SLC4A4: variants seen among roughly 807,000 people sequenced by gnomAD.
SLC4A4 encodes the protein solute carrier family 4 member 4.
A neutral mutation model predicts 111.5 loss-of-function variants in SLC4A4; 27 were observed. The ratio of observed to expected loss-of-function variants is 0.24; its 90% CI spans 0.18 to 0.33. The LOEUF is 0.33. SLC4A4 is among the 10% of genes least tolerant of loss of function. SLC4A4 has a pLI of 1.00. For missense variants in SLC4A4, 909 were observed against 1,315.5 expected (o/e 0.69, Z 4.78); for synonymous variants, 443 against 463.4 (o/e 0.96, Z 0.57).
At chr4:71,296,553 T>G (rs548640071) in intron 3 of SLC4A4, among the ~76,000 whole-genome samples, 18 of 152,282 alleles carry the variant, frequency 1.2e-4, no homozygotes, top group Admixed American at 4.6e-4. Flanking sequence ...CATTGGTACT[T>G]TTTTTATACA....
chr4:71,234,832 G>A (rs552233292), intron 1 of SLC4A4, among the ~76,000 whole-genome samples: 1 of 152,130 alleles, frequency 6.6e-6, no homozygotes. Flanking sequence ...GTATAGAGAA[G>A]GAAAATGATG....
At chr4:71,217,609 T>C (rs1400591177) in intron 1 of SLC4A4, among the ~76,000 whole-genome samples, 1 of 152,170 alleles carries the variant, frequency 6.6e-6, no homozygotes, top group African/African-American at 2.4e-5. Flanking sequence ...ATGGCATTTA[T>C]GTAGCTTAGA....
chr4:71,492,109 G>A (rs1273060879), intron 15 of SLC4A4, among the ~76,000 whole-genome samples: 1 of 151,264 alleles, frequency 6.6e-6, no homozygotes, highest in Non-Finnish European at 1.5e-5. Context: ...TTCTCTCACC[G>A]AGAAAGTCAA....
At chr4:71,217,983 T>A (rs2149018533) in intron 1 of SLC4A4, among the ~76,000 whole-genome samples, 1 of 149,702 alleles carries the variant, frequency 6.7e-6, no homozygotes, top group South Asian at 2.1e-4. Flanking sequence ...GTAGGGAAAG[T>A]GATCTTTGCT....
intron 14 of SLC4A4, among the ~76,000 whole-genome samples, chr4:71,482,000 T>C (rs543247944): frequency 8.6e-5 from 13 of 151,754 alleles, no homozygotes; most frequent in East Asian, 2.0e-4. Context: ...GTTTTGGCTT[T>C]TCCATTTGAC....
chr4:71,092,573 A>G (rs1345444127), intron 1 of SLC4A4, among the ~76,000 whole-genome samples: 1 of 152,202 alleles, frequency 6.6e-6, no homozygotes, highest in African/African-American at 2.4e-5. Flanking sequence ...AAAACACTGC[A>G]AAAACCTAAA....
chr4:71,397,163 G>C (rs889067700), intron 6 of SLC4A4, among the ~76,000 whole-genome samples: 12 of 152,144 alleles, frequency 7.9e-5, no homozygotes. Context: ...TGGCATCCAG[G>C]GTCAGCTCTG....
At chr4:71,425,386 A>C (rs967899871) in intron 7 of SLC4A4, among the ~76,000 whole-genome samples, 1 of 152,130 alleles carries the variant, frequency 6.6e-6, no homozygotes, top group Non-Finnish European at 1.5e-5. Flanking sequence ...ACTTGAAACC[A>C]AACCTGAACC....
At chr4:71,469,918 T>C (rs1243213245) in intron 13 of SLC4A4, among the ~76,000 whole-genome samples, 1 of 151,992 alleles carries the variant, frequency 6.6e-6, no homozygotes, top group Non-Finnish European at 1.5e-5. Context: ...CTAATGTTGT[T>C]CCTAACCATT....
chr4:71,238,017 G>T lies in SLC4A4; in HGVS notation c.73+1368G>T, dbSNP rs1392316321. On this transcript the variant is annotated intron_variant, in intron 2 of 25. Transcript: ENST00000264485. Reference sequence around the variant, plus strand: ...CATGATGTTAAATCATCATTTTAGTGACTCTGTCACTGTCCCAGTGTCAAA... The same window carrying T: ...CATGATGTTAAATCATCATTTTAGTTACTCTGTCACTGTCCCAGTGTCAAA... Among the ~76,000 whole-genome samples, 3 of 152,130 alleles carry T rather than the reference G, an allele frequency of 2.0e-5. No individual in the cohort carries two copies. The East Asian group carries it at 5.8e-4, about 29-fold the overall frequency.
At chr4:71,379,886 G>T (rs1263015373) in intron 6 of SLC4A4, among the ~76,000 whole-genome samples, 3 of 151,992 alleles carry the variant, frequency 2.0e-5, no homozygotes, top group Admixed American at 6.6e-5. Flanking sequence ...CACAAATTGT[G>T]ATTCCTCTTG....
At chr4:71,146,054 A>G (rs918387019) in intron 2 of SLC4A4, among the ~76,000 whole-genome samples, 8 of 152,082 alleles carry the variant, frequency 5.3e-5, no homozygotes, top group African/African-American at 7.2e-5. Flanking sequence ...TGTCAATTTT[A>G]GATCTTTCCT....
In SLC4A4 at chr4:71,555,124, A is replaced by C; in HGVS notation, c.2695-16A>C. 1 of 1,572,442 alleles carries C rather than the reference A, an allele frequency of 6.4e-7. No individual in the cohort carries two copies. The highest frequency in any genetic ancestry group is 8.7e-7 in the Non-Finnish European group (1 of 1,143,348). On this transcript the variant is annotated splice_polypyrimidine_tract_variant and intron_variant, in intron 20 of 25. Coordinates refer to ENST00000264485, the MANE Select transcript of SLC4A4 (RefSeq NM_001098484.3). The stretch of plus-strand genomic sequence containing the variant: ...TTGTTATCATTTTTAAGTTGTATCC[A>C]TTTTTTTCCTTCTAGTTTATACCCA...
rs142504624 is a variant in SLC4A4 at position 71,292,711 on chromosome 4, T to G, written c.253+37312T>G. Among the ~76,000 whole-genome samples, 441 of 151,932 alleles carry G rather than the reference T, an allele frequency of 2.9e-3. 3 individuals carry two copies. The highest frequency in any genetic ancestry group is 0.01 in the African/African-American group (418 of 41,400). On this transcript the variant is annotated intron_variant, in intron 3 of 25. Transcript: ENST00000264485. ...ATACAATATAGGATGTATATTGAAT[T>G]GAAATAATAAATAGGCGGGAAAAAA...
At chr4:71,098,895 A>G (rs896398250) in intron 2 of SLC4A4, among the ~76,000 whole-genome samples, 7 of 152,234 alleles carry the variant, frequency 4.6e-5, no homozygotes, top group Non-Finnish European at 1.0e-4. Context: ...GGGTAATTCA[A>G]CAAGAAAACC....
intron 1 of SLC4A4, among the ~76,000 whole-genome samples, chr4:71,221,108 C>T (rs1718720236): frequency 6.6e-6 from 1 of 152,176 alleles, no homozygotes; most frequent in Admixed American, 6.5e-5. Context: ...CTTTCTTTAT[C>T]CAGTGTCATT....
chr4:71,532,185 T>A lies in SLC4A4; in HGVS notation c.2280+10T>A, dbSNP rs751123512. ...GCCAAGTGAGTTCAAGGTAGGTGAA[T>A]GTCTATCTTTTGGTCATTCCTGGAA... On this transcript the variant is annotated intron_variant, in intron 17 of 25. Transcript: ENST00000264485. 1.4e-6 allele frequency: 2 copies of A among 1,444,496 alleles called. No individual in the cohort carries two copies. The highest frequency in any genetic ancestry group is 2.0e-6 in the Non-Finnish European group (2 of 1,025,608). 89.5% of individuals were successfully genotyped at this position (1,444,496 alleles called of 1,614,324 possible). A position where few individuals can be genotyped will look rare whatever the true frequency, so the allele number is the denominator to read the frequency against.
chr4:71,558,553 A>G (rs1736673118), intron 22 of SLC4A4, among the ~76,000 whole-genome samples: 1 of 151,932 alleles, frequency 6.6e-6, no homozygotes, highest in Non-Finnish European at 1.5e-5. Flanking sequence ...TGAATTTTAT[A>G]CTTTACCATA....
chr4:71,265,648 C>G (rs892782755), intron 3 of SLC4A4, among the ~76,000 whole-genome samples: 20 of 152,138 alleles, frequency 1.3e-4, no homozygotes, highest in Middle Eastern at 3.2e-3. Flanking sequence ...AATCCTCAAA[C>G]CGGTTTCAAG....
Sources: allele counts gnomAD v4.1 joint callset (sites outside exome capture counted in the v4.1 genomes callset), GRCh38; gene constraint gnomAD v4.1.1; transcripts MANE v1.5; gene names NCBI Gene and HGNC (gene_info 2026-07-23, HGNC 2026-07-21).